Variants in LY96 observed in about 807,000 individuals in gnomAD.
LY96 encodes myeloid differentiation protein-2.
LY96 carries 18 observed loss-of-function variants against 18.9 expected under a neutral mutation model. The ratio of observed to expected loss-of-function variants is 0.95; its 90% CI spans 0.66 to 1.41. The LOEUF (loss-of-function observed/expected upper bound fraction) is 1.41. LY96 is among the 40% of genes most tolerant of loss of function. The probability of loss-of-function intolerance (pLI) is 0.00; values close to 1 mark genes in which losing one functional copy is unlikely to be tolerated. For synonymous variants in LY96, 66 were observed against 62.6 expected (o/e 1.06, Z -0.26); for missense variants, 175 against 182.4 (o/e 0.96, Z 0.23).
chr8:74,074,940 G>GA, the LY96 span, among the ~76,000 whole-genome samples: 1 of 151,710 alleles, frequency 6.6e-6, no homozygotes, highest in African/African-American at 2.4e-5. Context: ...ATATGCTGAG[G>GA]AAAAAAAAGT....
At chr8:74,082,867 G>C in the LY96 span, among the ~76,000 whole-genome samples, 5 of 152,176 alleles carry the variant, frequency 3.3e-5, no homozygotes, top group African/African-American at 1.2e-4. Context: ...CTGTGTCCCT[G>C]TGTCTTCAGA....
At chr8:74,057,581 A>AT in the LY96 span, among the ~76,000 whole-genome samples, 30 of 152,172 alleles carry the variant, frequency 2.0e-4, 1 homozygote, top group Non-Finnish European at 5.9e-5. Flanking sequence ...GGTGACTCAC[A>AT]TTTCTGAGGA....
At chr8:74,062,957 T>TCA in the LY96 span, among the ~76,000 whole-genome samples, 1 of 152,236 alleles carries the variant, frequency 6.6e-6, no homozygotes, top group Non-Finnish European at 1.5e-5. Flanking sequence ...GCTTAGCAGC[T>TCA]CAATGCAGCA....
chr8:74,011,107 G>A (rs10088782), intron 3 of LY96, among the ~76,000 whole-genome samples: 11,720 of 151,992 alleles, frequency 0.077, 1,289 homozygotes, highest in African/African-American at 0.24. Flanking sequence ...CGTGATTTAC[G>A]TTCTGGTTAT....
chr8:74,044,433 C>T, the LY96 span, among the ~76,000 whole-genome samples: 16 of 152,274 alleles, frequency 1.1e-4, no homozygotes, highest in Middle Eastern at 3.4e-3. Flanking sequence ...TCAGGCAATC[C>T]TTCTGCCTTG....
chr8:74,025,227 T>G (rs1225008920), intron 3 of LY96, among the ~76,000 whole-genome samples: 1 of 152,208 alleles, frequency 6.6e-6, no homozygotes, highest in East Asian at 1.9e-4. Context: ...TGGTGGGTAG[T>G]AGGCTTTCAA....
At chr8:74,015,360 C>T (rs1438155589) in intron 3 of LY96, among the ~76,000 whole-genome samples, 1 of 152,192 alleles carries the variant, frequency 6.6e-6, no homozygotes, top group African/African-American at 2.4e-5. Flanking sequence ...CGAGGCCATG[C>T]TCCCTCTGTA....
At chr8:74,047,991 T>A in the LY96 span, among the ~76,000 whole-genome samples, 1 of 152,164 alleles carries the variant, frequency 6.6e-6, no homozygotes, top group African/African-American at 2.4e-5. Flanking sequence ...TTTGACTTCC[T>A]TGGCTCAAAA....
chr8:74,058,280 G>A, the LY96 span, among the ~76,000 whole-genome samples: 56 of 152,020 alleles, frequency 3.7e-4, no homozygotes, highest in African/African-American at 1.3e-3. Flanking sequence ...TTTTCTTCAT[G>A]ATAGTTTTAA....
the LY96 span, among the ~76,000 whole-genome samples, chr8:74,044,194 T>C: frequency 6.6e-6 from 1 of 151,954 alleles, no homozygotes; most frequent in Non-Finnish European, 1.5e-5. Context: ...ATTTTCTTTT[T>C]CTTTTTTTTT....
the LY96 span, among the ~76,000 whole-genome samples, chr8:74,057,118 T>G: frequency 6.6e-6 from 1 of 152,078 alleles, no homozygotes; most frequent in Non-Finnish European, 1.5e-5. Context: ...GGAAAACACA[T>G]GATGTAGTTT....
chr8:74,097,828 G>A, the LY96 span, among the ~76,000 whole-genome samples: 6 of 152,302 alleles, frequency 3.9e-5, no homozygotes, highest in East Asian at 1.2e-3. Flanking sequence ...ATACCTAGGG[G>A]CTTGTTATAG....
At chr8:74,004,093 G>A (rs1018094352) in intron 1 of LY96, among the ~76,000 whole-genome samples, 1 of 152,216 alleles carries the variant, frequency 6.6e-6, no homozygotes, top group African/African-American at 2.4e-5. Context: ...GGACTGATGA[G>A]ACAGATATAA....
At chr8:74,035,040 AG>A in the LY96 span, among the ~76,000 whole-genome samples, 1 of 152,214 alleles carries the variant, frequency 6.6e-6, no homozygotes, top group African/African-American at 2.4e-5. Flanking sequence ...CCCAGTTATG[AG>A]TTGCGAAGAT....
intron 3 of LY96, among the ~76,000 whole-genome samples, chr8:74,021,174 G>A (rs1339455023): frequency 6.6e-6 from 1 of 152,298 alleles, no homozygotes; most frequent in East Asian, 1.9e-4. Flanking sequence ...CTACCCGTCT[G>A]ACAAAGGGCT....
At chr8:74,007,133 G>A (rs1311557228) in intron 2 of LY96, among the ~76,000 whole-genome samples, 1 of 152,242 alleles carries the variant, frequency 6.6e-6, no homozygotes, top group South Asian at 2.1e-4. Context: ...AATGCCTGTT[G>A]TAAGAGACCC....
chr8:74,040,735 C>T, the LY96 span, among the ~76,000 whole-genome samples: 1 of 131,546 alleles, frequency 7.6e-6, no homozygotes, highest in African/African-American at 2.9e-5. Flanking sequence ...TGCAATCTCA[C>T]TCTGTCGCCT....
chr8:74,089,937 G>A, the LY96 span, among the ~76,000 whole-genome samples: 2 of 152,112 alleles, frequency 1.3e-5, no homozygotes, highest in Non-Finnish European at 2.9e-5. Flanking sequence ...AAAGAGTGGG[G>A]AGGACAGGAT....
chr8:74,054,617 C>CT, the LY96 span, among the ~76,000 whole-genome samples: 158 of 70,170 alleles, frequency 2.3e-3, 6 homozygotes, highest in African/African-American at 8.1e-3. Context: ...TTTCCTTTTC[C>CT]TTCTTTCTTT....
Sources: gnomAD v4.1 joint callset for allele counts (sites outside exome capture counted in the v4.1 genomes callset) on GRCh38, gnomAD v4.1.1 for gene constraint, MANE v1.5 for transcripts, NCBI Gene and HGNC (gene_info 2026-07-23, HGNC 2026-07-21) for gene names.